EYA4: variants seen among roughly 807,000 people sequenced by gnomAD.
The protein encoded by EYA4 is protein phosphatase EYA4.
EYA4 carries 31 observed loss-of-function variants against 87.9 expected under a neutral mutation model. The observed-to-expected ratio is 0.35, with a 90% confidence interval of 0.27 to 0.48. The LOEUF (loss-of-function observed/expected upper bound fraction) is 0.48. EYA4 is among the 20% of genes least tolerant of loss of function. The pLI, the probability that EYA4 is intolerant of heterozygous loss-of-function variation, is 0.99. For missense variants in EYA4, 678 were observed against 761.4 expected, an observed-to-expected ratio of 0.89 and a Z score of 1.29; for synonymous variants, 263 against 270.6, an observed-to-expected ratio of 0.97 and a Z score of 0.28.
chr6:133,276,873 A>G (rs1777211893), intron 2 of EYA4, among the ~76,000 whole-genome samples: 1 of 149,324 alleles, frequency 6.7e-6, no homozygotes, highest in South Asian at 2.1e-4. Context: ...CCTTTGGGTT[A>G]TGCATATTGT....
chr6:133,265,637 A>G (rs1776155259), intron 1 of EYA4, among the ~76,000 whole-genome samples: 1 of 152,192 alleles, frequency 6.6e-6, no homozygotes, highest in Non-Finnish European at 1.5e-5. Context: ...CACTAGGCTC[A>G]TAATATTTTA....
intron 3 of EYA4, among the ~76,000 whole-genome samples, chr6:133,409,380 G>T (rs897450997): frequency 9.2e-5 from 14 of 152,184 alleles, no homozygotes; most frequent in African/African-American, 3.1e-4. Flanking sequence ...TATGCCATTT[G>T]TGACAACATG....
intron 3 of EYA4, among the ~76,000 whole-genome samples, chr6:133,429,532 G>C (rs1410724036): frequency 6.6e-6 from 1 of 152,140 alleles, no homozygotes; most frequent in Admixed American, 6.5e-5. Flanking sequence ...GGGTGACTGT[G>C]AGGGGAAAAG....
intron 14 of EYA4, among the ~76,000 whole-genome samples, chr6:133,512,472 C>G (rs1348557846): frequency 6.6e-6 from 1 of 152,126 alleles, no homozygotes; most frequent in African/African-American, 2.4e-5. Flanking sequence ...TTAAATTGCT[C>G]TAAAGAAACT....
intron 11 of EYA4, among the ~76,000 whole-genome samples, chr6:133,476,661 C>T (rs1452655644): frequency 6.6e-6 from 1 of 152,086 alleles, no homozygotes; most frequent in Non-Finnish European, 1.5e-5. Flanking sequence ...TTGATGAACA[C>T]TTAGGTTGAC....
chr6:133,265,423 C>G (rs969548865), intron 1 of EYA4, among the ~76,000 whole-genome samples: 1 of 152,076 alleles, frequency 6.6e-6, no homozygotes, highest in African/African-American at 2.4e-5. Context: ...CATGCAGTTA[C>G]TGTTATTCCT....
chr6:133,327,482 A>G (rs1781591372), intron 2 of EYA4, among the ~76,000 whole-genome samples: 1 of 152,184 alleles, frequency 6.6e-6, no homozygotes, highest in Non-Finnish European at 1.5e-5. Context: ...AAGATAGTCA[A>G]AATAAATTAA....
intron 3 of EYA4, among the ~76,000 whole-genome samples, chr6:133,433,332 C>T (rs376944896): frequency 6.5e-4 from 99 of 152,302 alleles, no homozygotes; most frequent in South Asian, 4.1e-4. Context: ...ACACTTAGAA[C>T]ACATAGAATT....
At chr6:133,435,236 C>G (rs902823368) in intron 3 of EYA4, 1 of 152,230 alleles carries the variant, frequency 6.6e-6, no homozygotes, top group Non-Finnish European at 1.5e-5. Flanking sequence ...GTCCAGAGAA[C>G]AGTGTGTTCA....
At chr6:133,435,767 G>A (rs1791602795) in intron 3 of EYA4, among the ~76,000 whole-genome samples, 1 of 152,140 alleles carries the variant, frequency 6.6e-6, no homozygotes, top group Non-Finnish European at 1.5e-5. Context: ...AATTGATCAG[G>A]ATGCTTTATT....
In EYA4 at chr6:133,481,003, A is replaced by G. The variant is rs1796166756; in HGVS notation, c.971-460A>G. On this transcript the variant is annotated intron_variant, in intron 11 of 19. Coordinates refer to ENST00000355286, the MANE Select transcript of EYA4 (RefSeq NM_004100.5). ...GGAGAGGTGGAAGGGAAGATGGGAG[A>G]GGTGGAAGGGAAGATGAGAGAGGTG... Among the ~76,000 whole-genome samples, 4 of 148,704 alleles carry G rather than the reference A, an allele frequency of 2.7e-5. No individual in the cohort carries two copies. The South Asian group carries it at 8.5e-4, about 32-fold the overall frequency.
intron 1 of EYA4, among the ~76,000 whole-genome samples, chr6:133,256,158 C>T (rs1775317341): frequency 6.6e-6 from 1 of 151,074 alleles, no homozygotes; most frequent in African/African-American, 2.4e-5. Context: ...GAATACTCCA[C>T]TATGATTAGG....
intron 13 of EYA4, among the ~76,000 whole-genome samples, chr6:133,494,308 C>T (rs893831247): frequency 1.2e-4 from 19 of 152,042 alleles, no homozygotes; most frequent in Admixed American, 1.0e-3. Flanking sequence ...TGAAATAAGC[C>T]AGGCACAAGG....
chr6:133,398,896 A>G (rs368524217), intron 3 of EYA4, among the ~76,000 whole-genome samples: 32 of 152,352 alleles, frequency 2.1e-4, no homozygotes, highest in African/African-American at 7.2e-4. Context: ...AACAGGATAC[A>G]TCAGTGCATG....
intron 3 of EYA4, among the ~76,000 whole-genome samples, chr6:133,413,144 C>G (rs963484571): frequency 3.9e-5 from 6 of 152,256 alleles, no homozygotes; most frequent in African/African-American, 1.4e-4. Context: ...GTTCTTTATT[C>G]TCAGCTAGGC....
chr6:133,323,057 A>G (rs997599928), intron 2 of EYA4, among the ~76,000 whole-genome samples: 1 of 149,122 alleles, frequency 6.7e-6, no homozygotes, highest in Non-Finnish European at 1.5e-5. Context: ...ATCTATGTCT[A>G]TATCAGTATA....
chr6:133,438,442 C>T (rs1014286546), intron 3 of EYA4, among the ~76,000 whole-genome samples: 1 of 149,292 alleles, frequency 6.7e-6, no homozygotes, highest in Non-Finnish European at 1.5e-5. Context: ...AGCCCCTACA[C>T]TACTTTGTGG....
intron 1 of EYA4, among the ~76,000 whole-genome samples, chr6:133,252,997 T>A (rs529234740): frequency 4.7e-5 from 7 of 149,394 alleles, no homozygotes; most frequent in Non-Finnish European, 1.1e-4. Flanking sequence ...ACACTCACTC[T>A]CTCTCTCTCA....
intron 2 of EYA4, among the ~76,000 whole-genome samples, chr6:133,280,442 T>G (rs1461819477): frequency 6.6e-6 from 1 of 152,184 alleles, no homozygotes; most frequent in Non-Finnish European, 1.5e-5. Flanking sequence ...AGTCTTGCTC[T>G]GTTGAGTACG....
Sources: allele counts gnomAD v4.1 joint callset (sites outside exome capture counted in the v4.1 genomes callset), GRCh38; gene constraint gnomAD v4.1.1; transcripts MANE v1.5; gene names NCBI Gene and HGNC (gene_info 2026-07-23, HGNC 2026-07-21).